Variants in FHIT observed in about 807,000 individuals in gnomAD.
FHIT encodes the protein fragile histidine triad diadenosine triphosphatase, also known as bis(5'-adenosyl)-triphosphatase.
A neutral mutation model predicts 17.9 loss-of-function variants in FHIT; 19 were observed. The ratio of observed to expected loss-of-function variants is 1.06; its 90% CI spans 0.74 to 1.56. The LOEUF is 1.56. FHIT is among the 40% of genes most tolerant of loss of function. The pLI, the probability that FHIT is intolerant of heterozygous loss-of-function variation, is 0.00. For missense variants in FHIT, 248 were observed against 189.2 expected (o/e 1.31, Z -1.82); for synonymous variants, 81 against 69.7 (o/e 1.16, Z -0.81).
At chr3:60,332,102 G>A (rs1379811450) in intron 5 of FHIT, among the ~76,000 whole-genome samples, 2 of 152,028 alleles carry the variant, frequency 1.3e-5, no homozygotes, top group African/African-American at 2.4e-5. Context: ...TCTATACTAG[G>A]TACTGTCCTT....
chr3:60,236,254 T>G (rs889719106), intron 5 of FHIT, among the ~76,000 whole-genome samples: 4 of 150,146 alleles, frequency 2.7e-5, no homozygotes, highest in African/African-American at 9.9e-5. Flanking sequence ...GTAATTTACT[T>G]TCTATGTGTT....
At chr3:59,855,552 T>A (rs1003832166) in intron 8 of FHIT, among the ~76,000 whole-genome samples, 3 of 152,178 alleles carry the variant, frequency 2.0e-5, no homozygotes, top group Non-Finnish European at 4.4e-5. Flanking sequence ...AACTGAATAA[T>A]AATGAAATGC....
rs1359733366 is a variant in FHIT at position 60,958,276 on chromosome 3, C to A, written c.-111+83771G>T. Reference sequence around the variant, plus strand: ...GTATAGAATAAGGCACGGTAAAATTCTCTACCTAGACATAAAACCCATATA... The same window carrying A: ...GTATAGAATAAGGCACGGTAAAATTATCTACCTAGACATAAAACCCATATA... On this transcript the variant is annotated intron_variant, in intron 3 of 9. Coordinates refer to ENST00000492590, the MANE Select transcript of FHIT (RefSeq NM_002012.4). 4.6e-5 allele frequency among the ~76,000 whole-genome samples: 7 copies of A among 152,096 alleles called. No individual in the cohort carries two copies. In the South Asian group the frequency reaches 1.2e-3, roughly 27 times the overall value.
chr3:60,068,364 T>A (rs569317984), intron 5 of FHIT, among the ~76,000 whole-genome samples: 1 of 152,340 alleles, frequency 6.6e-6, no homozygotes, highest in Non-Finnish European at 1.5e-5. Flanking sequence ...ACAGTTTAAG[T>A]GGTCTTGACT....
intron 2 of FHIT, among the ~76,000 whole-genome samples, chr3:61,091,657 C>A (rs908217671): frequency 6.6e-6 from 1 of 151,902 alleles, no homozygotes; most frequent in Non-Finnish European, 1.5e-5. Context: ...AAGCTTAGAA[C>A]CAACAGGAGG....
chr3:60,234,680 AT>A (rs1704676770), intron 5 of FHIT, among the ~76,000 whole-genome samples: 1 of 152,182 alleles, frequency 6.6e-6, no homozygotes, highest in Non-Finnish European at 1.5e-5. Context: ...GAAAGAATTG[AT>A]TTTGAAGATT....
chr3:60,326,390 G>A (rs1228494561), intron 5 of FHIT, among the ~76,000 whole-genome samples: 1 of 152,026 alleles, frequency 6.6e-6, no homozygotes, highest in African/African-American at 2.4e-5. Flanking sequence ...GGGCAACCTA[G>A]ATCCCTCCCA....
intron 5 of FHIT, among the ~76,000 whole-genome samples, chr3:60,319,330 G>A (rs1233256859): frequency 6.6e-6 from 1 of 152,024 alleles, no homozygotes; most frequent in Non-Finnish European, 1.5e-5. Flanking sequence ...CGACTAGTAT[G>A]GCAGAACAAA....
chr3:59,994,019 T>C (rs1321513401), intron 7 of FHIT, among the ~76,000 whole-genome samples: 2 of 152,054 alleles, frequency 1.3e-5, no homozygotes, highest in South Asian at 2.1e-4. Flanking sequence ...ATAACTACTC[T>C]ATGACACCAA....
At chr3:60,494,987 C>T (rs1246673766) in intron 5 of FHIT, among the ~76,000 whole-genome samples, 1 of 152,074 alleles carries the variant, frequency 6.6e-6, no homozygotes, top group African/African-American at 2.4e-5. Context: ...GGTATATATC[C>T]AACAGTGGGA....
chr3:60,400,004 G>A (rs1303288025), intron 5 of FHIT, among the ~76,000 whole-genome samples: 2 of 152,132 alleles, frequency 1.3e-5, no homozygotes, highest in Non-Finnish European at 2.9e-5. Flanking sequence ...ATTACAGGAA[G>A]AGGACACAAG....
chr3:60,488,802 G>C (rs1390356179), intron 5 of FHIT, among the ~76,000 whole-genome samples: 1 of 152,130 alleles, frequency 6.6e-6, no homozygotes, highest in African/African-American at 2.4e-5. Flanking sequence ...AATAGATTGA[G>C]AGAAAGACCA....
At chr3:60,006,967 A>G (rs1699949982) in intron 7 of FHIT, among the ~76,000 whole-genome samples, 3 of 152,210 alleles carry the variant, frequency 2.0e-5, no homozygotes, top group Admixed American at 2.0e-4. Flanking sequence ...AGCAATCTAA[A>G]AAGTAATTTC....
intron 5 of FHIT, among the ~76,000 whole-genome samples, chr3:60,051,918 T>C (rs887170075): frequency 6.6e-6 from 1 of 152,132 alleles, no homozygotes; most frequent in South Asian, 2.1e-4. Flanking sequence ...CAAAGATTGG[T>C]TGGGTATCTC....
chr3:60,537,008 A>T, intron 4 of FHIT, 29 bp from the exon 5 acceptor site: 3 of 1,567,904 alleles, frequency 1.9e-6, no homozygotes, highest in Non-Finnish European at 2.6e-6. Flanking sequence ...GATAGTTATA[A>T]AATTCAATTA....
intron 3 of FHIT, among the ~76,000 whole-genome samples, chr3:60,994,767 AAGCCGCAC>A (rs1160422055): frequency 6.6e-6 from 1 of 152,156 alleles, no homozygotes; most frequent in Non-Finnish European, 1.5e-5. Flanking sequence ...CCTAGCAAGC[AAGCCGCAC>A]AGGTGAGAAA....
At chr3:59,763,734 C>T (rs746660748) in intron 8 of FHIT, among the ~76,000 whole-genome samples, 8 of 114,268 alleles carry the variant, frequency 7.0e-5, no homozygotes, top group Non-Finnish European at 1.5e-4. Context: ...GGACAGTCAG[C>T]TGAGGAGTGG....
chr3:60,447,493 C>T (rs560201718), intron 5 of FHIT, among the ~76,000 whole-genome samples: 1 of 152,214 alleles, frequency 6.6e-6, no homozygotes, highest in African/African-American at 2.4e-5. Flanking sequence ...GTTCAATGAT[C>T]TCTTTTAAGA....
At chr3:59,936,808 TAGCTG>T (rs1333420623) in intron 7 of FHIT, among the ~76,000 whole-genome samples, 2 of 152,172 alleles carry the variant, frequency 1.3e-5, no homozygotes, top group Non-Finnish European at 2.9e-5. Context: ...ATTATCTCAC[TAGCTG>T]AGCGCAATAC....
Sources: allele counts gnomAD v4.1 joint callset (sites outside exome capture counted in the v4.1 genomes callset), GRCh38; gene constraint gnomAD v4.1.1; transcripts MANE v1.5; gene names NCBI Gene and HGNC (gene_info 2026-07-23, HGNC 2026-07-21).